SSH1: variants seen among roughly 807,000 people sequenced by gnomAD.
The protein encoded by SSH1 is slingshot protein phosphatase 1.
In SSH1, 43 loss-of-function variants were observed where a neutral mutation model predicts 79.7. The ratio of observed to expected loss-of-function variants is 0.54; its 90% CI spans 0.42 to 0.70. The LOEUF (loss-of-function observed/expected upper bound fraction) is 0.70. SSH1 is among the 30% of genes least tolerant of loss of function. The pLI is 0.00. For synonymous variants in SSH1, 599 were observed against 538.3 expected, an observed-to-expected ratio of 1.11 and a Z score of -1.56; for missense variants, 1,206 against 1,358.8, an observed-to-expected ratio of 0.89 and a Z score of 1.77.
chr12:108,802,680 T>G (rs922481944), intron 10 of SSH1, among the ~76,000 whole-genome samples: 1 of 149,170 alleles, frequency 6.7e-6, no homozygotes, highest in Non-Finnish European at 1.5e-5. Flanking sequence ...AAGAGTCCAG[T>G]GGGGGGGGGT....
intron 2 of SSH1, among the ~76,000 whole-genome samples, chr12:108,847,007 C>T (rs1164304766): frequency 2.0e-5 from 3 of 152,174 alleles, no homozygotes; most frequent in Non-Finnish European, 4.4e-5. Flanking sequence ...AGTGATTCTC[C>T]TACCTCAACC....
At chr12:108,800,014 T>G (rs1244969092) in intron 12 of SSH1, among the ~76,000 whole-genome samples, 2 of 152,208 alleles carry the variant, frequency 1.3e-5, no homozygotes, top group Non-Finnish European at 2.9e-5. Flanking sequence ...TGGGGTTTTT[T>G]CCCCCTAACT....
At chr12:108,818,677 G>A (rs535432836) in intron 3 of SSH1, among the ~76,000 whole-genome samples, 14 of 152,292 alleles carry the variant, frequency 9.2e-5, no homozygotes, top group African/African-American at 2.9e-4. Context: ...GCCTAGAAAC[G>A]ACAGCTGTGG....
rs910196217 is a variant in SSH1 at position 108,809,829 on chromosome 12, A to C, written c.471-71T>G. ...GCGCCTTGAGTGAAATCACTCTGGG[A>C]GGAGGGAGCCAAACCACTGCGCACG... On this transcript the variant is annotated intron_variant, in intron 6 of 14. Coordinates refer to ENST00000326495, the MANE Select transcript of SSH1 (RefSeq NM_018984.4). 7.3e-6 allele frequency: 10 copies of C among 1,364,274 alleles called. No individual in the cohort carries two copies. The African/African-American group carries it at 1.3e-4, about 18-fold the overall frequency. The allele number at this position is 1,364,274 out of a possible 1,614,324, so 84.5% of individuals were successfully genotyped here. A position where few individuals can be genotyped will look rare whatever the true frequency, so the allele number is the denominator to read the frequency against.
intron 2 of SSH1, among the ~76,000 whole-genome samples, chr12:108,851,510 G>A (rs2039039223): frequency 6.6e-6 from 1 of 152,004 alleles, no homozygotes. Context: ...TTAAAACTAT[G>A]AGGTCAGAGT....
chr12:108,847,623 AT>A (rs2038927563), intron 2 of SSH1, among the ~76,000 whole-genome samples: 1 of 151,940 alleles, frequency 6.6e-6, no homozygotes, highest in Non-Finnish European at 1.5e-5. Flanking sequence ...AGGCCGGCTG[AT>A]TTTTGTATTT....
chr12:108,845,892 T>TG (rs1316598844), intron 2 of SSH1, among the ~76,000 whole-genome samples: 2 of 152,080 alleles, frequency 1.3e-5, no homozygotes, highest in Admixed American at 6.5e-5. Context: ...CAGGCTAAGA[T>TG]GGACTGCCAA....
chr12:108,782,199 G>C lies in SSH1; in HGVS notation c.*5789C>G, dbSNP rs2036153857. ...AGCTCTGCCTCCTGAGTGTCCAAGGGAGAAGAGCCACCAAAAGCTGCCTGG... is the reference window on the plus strand; with the variant it reads ...AGCTCTGCCTCCTGAGTGTCCAAGGCAGAAGAGCCACCAAAAGCTGCCTGG... On this transcript the variant is annotated 3_prime_UTR_variant, in exon 15 of 15. Transcript: ENST00000326495. The C allele has an allele frequency of 6.6e-6, 1 of 151,284 alleles. No homozygotes were observed. Among genetic ancestry groups the C allele is most frequent in the Non-Finnish European group, 1.5e-5 (1 of 67,818 alleles). The allele number at this position is 151,284 out of a possible 1,614,324, so 9.4% of individuals were successfully genotyped here.
chr12:108,801,049 G>T, intron 11 of SSH1, 123 bp from the exon 12 acceptor site: 1 of 1,008,902 alleles, frequency 9.9e-7, no homozygotes, highest in East Asian at 2.4e-5. Context: ...ATATGTTCGT[G>T]GCGGGACTTT....
intron 6 of SSH1, among the ~76,000 whole-genome samples, chr12:108,810,350 C>T (rs779399976): frequency 3.3e-5 from 5 of 151,684 alleles, no homozygotes; most frequent in South Asian, 2.1e-4. Flanking sequence ...GGTGAAACCC[C>T]GTCTTTACTA....
chr12:108,813,022 C>T (rs191771666), intron 5 of SSH1, among the ~76,000 whole-genome samples: 5 of 152,156 alleles, frequency 3.3e-5, no homozygotes, highest in East Asian at 1.9e-4. Context: ...GCCACTATGC[C>T]CAGCTTTTTA....
rs1229721198 is a variant in SSH1 at position 108,788,518 on chromosome 12, G to A, written c.2620C>T (p.Pro874Ser). The change falls in exon 15 of 15, where the codon CCC (proline) becomes TCC (serine). Residue 874 changes from proline (P) to serine (S), a missense_variant. This residue lies in a region of SSH1 where 709 missense variants were observed against 730.6 expected (regional missense o/e 0.97). Transcript: ENST00000326495. ...TTCTCATCACTCCCGGCCTGGCTGG[G>A]CATAACCAGGGGGCCCAGCTCGTGG... is the stretch of plus-strand genomic sequence containing the variant. ...ALHELGPLVMPSQAGSDEKSE... is the reference protein window; with the variant it reads ...ALHELGPLVMSSQAGSDEKSE... 6.4e-7 allele frequency: 1 copy of A among 1,562,128 alleles called. No homozygotes were observed. Among genetic ancestry groups the A allele is most frequent in the Non-Finnish European group, 8.7e-7 (1 of 1,155,232 alleles).
At chr12:108,846,296 A>T (rs2038898384) in intron 2 of SSH1, among the ~76,000 whole-genome samples, 1 of 151,766 alleles carries the variant, frequency 6.6e-6, no homozygotes, top group Non-Finnish European at 1.5e-5. Flanking sequence ...GAAATGCTGG[A>T]TTAAAAAAAA....
chr12:108,793,951 G>T (rs372369445), intron 13 of SSH1, among the ~76,000 whole-genome samples: 1 of 152,198 alleles, frequency 6.6e-6, no homozygotes. Context: ...GGCTTAGGCT[G>T]CAGAGGGCAC....
chr12:108,846,392 A>G (rs1050190087), intron 2 of SSH1, among the ~76,000 whole-genome samples: 9 of 152,160 alleles, frequency 5.9e-5, no homozygotes, highest in African/African-American at 1.9e-4. Flanking sequence ...GTCTCATGCC[A>G]GACTGAGCCA....
At chr12:108,811,377 G>A (rs374953354) in intron 5 of SSH1, 49 bp from the exon 6 acceptor site, 55 of 1,567,944 alleles carry the variant, frequency 3.5e-5, no homozygotes, top group African/African-American at 3.2e-4. Flanking sequence ...ACCCACCTAC[G>A]TGTACAGCCT....
At chr12:108,818,364 G>A in intron 3 of SSH1, 51 bp from the exon 4 acceptor site, 5 of 1,548,284 alleles carry the variant, frequency 3.2e-6, no homozygotes, top group Non-Finnish European at 4.4e-6. Flanking sequence ...TACTCTCTAG[G>A]AAAAAAAACC....
chr12:108,840,225 C>G (rs566284510), intron 2 of SSH1, among the ~76,000 whole-genome samples: 3 of 152,246 alleles, frequency 2.0e-5, no homozygotes, highest in Non-Finnish European at 4.4e-5. Flanking sequence ...TCGCTCAGTT[C>G]GCTTTGAAAA....
chr12:108,800,946 A>T lies in SSH1; in HGVS notation c.1002-20T>A. On this transcript the variant is annotated intron_variant, in intron 11 of 14. Transcript: ENST00000326495. The stretch of plus-strand genomic sequence containing the variant: ...TCAACCCTGCAATGAGAAAAAAATA[A>T]GAAACAAATTTGGACAATCTGAATG... The T allele has an allele frequency of 1.2e-6, 2 of 1,610,534 alleles. No individual in the cohort carries two copies. Among genetic ancestry groups the T allele is most frequent in the Non-Finnish European group, 1.7e-6 (2 of 1,177,778 alleles).
Sources: allele counts gnomAD v4.1 joint callset (sites outside exome capture counted in the v4.1 genomes callset), GRCh38; gene constraint gnomAD v4.1.1; regional missense constraint gnomAD v4.1.1; transcripts MANE v1.5; gene names NCBI Gene and HGNC (gene_info 2026-07-23, HGNC 2026-07-21).